RELL2: variants seen among roughly 807,000 people sequenced by gnomAD.
RELL2 encodes RELT like 2.
Under a neutral mutation model 27.5 loss-of-function variants are expected in RELL2, and 18 were observed. The ratio of observed to expected loss-of-function variants is 0.65; its 90% CI spans 0.45 to 0.97. The LOEUF is 0.97. RELL2 is among the 50% of genes least tolerant of loss of function. RELL2 has a pLI of 0.00. For synonymous variants in RELL2, 156 were observed against 147.5 expected, an observed-to-expected ratio of 1.06 and a Z score of -0.42; for missense variants, 370 against 397.5, an observed-to-expected ratio of 0.93 and a Z score of 0.59.
Position 141,640,672 on chromosome 5 carries a change from C to G in RELL2, c.*3C>G. 6.5e-7 allele frequency: 1 copy of G among 1,535,706 alleles called. No individual in the cohort carries two copies. Among genetic ancestry groups the G allele is most frequent in the Non-Finnish European group, 8.7e-7 (1 of 1,146,504 alleles). Reference sequence around the variant, plus strand: ...GTGTTATTCTTCCTCTTCTCCAAGTCTCCTTCATTGTGCTGATGGACTACC... The same window carrying G: ...GTGTTATTCTTCCTCTTCTCCAAGTGTCCTTCATTGTGCTGATGGACTACC... On this transcript the variant is annotated splice_region_variant and 3_prime_UTR_variant, in exon 7 of 7. Coordinates refer to ENST00000297164, the MANE Select transcript of RELL2 (RefSeq NM_173828.5).
At position 141,639,827 on chromosome 5, in the gene RELL2, T is replaced by A; in HGVS notation, c.504-93T>A. ...TCCCCTACCTTAGGCCAGAGGGAAG[T>A]AGCCACCAAACTCAGGATGTCCCTG... On this transcript the variant is annotated intron_variant, in intron 4 of 6. Coordinates refer to ENST00000297164, the MANE Select transcript of RELL2 (RefSeq NM_173828.5). The surrounding 1 kb of genome is among the most constrained non-coding windows in gnomAD (Gnocchi z 4.4). 1 of 1,420,526 alleles carries A rather than the reference T, an allele frequency of 7.0e-7. No individual in the cohort carries two copies. The highest frequency in any genetic ancestry group is 9.9e-7 in the Non-Finnish European group (1 of 1,014,884). 88.0% of individuals were successfully genotyped at this position (1,420,526 alleles called of 1,614,324 possible).
Position 141,638,160 on chromosome 5 carries a change from C to G in RELL2, c.-66C>G, listed in dbSNP as rs1010643920. Reference sequence around the variant, plus strand: ...TGAGGACGGCATTCCTACCCCTCCCCCATTCCCAGCTGCAGCCCCCTAAAC... The same window carrying G: ...TGAGGACGGCATTCCTACCCCTCCCGCATTCCCAGCTGCAGCCCCCTAAAC... On this transcript the variant is annotated 5_prime_UTR_variant, in exon 1 of 7. Transcript: ENST00000297164. The G allele has an allele frequency of 9.8e-7, 1 of 1,022,384 alleles. No homozygotes were observed. The highest frequency in any genetic ancestry group is 1.4e-5 in the South Asian group (1 of 69,148). 63.3% of individuals were successfully genotyped at this position (1,022,384 alleles called of 1,614,324 possible).
Position 141,639,248 on chromosome 5 carries a change from G to A in RELL2, c.318-216G>A, listed in dbSNP as rs1596453845. The A allele has an allele frequency of 3.3e-6, 2 of 608,018 alleles. No individual in the cohort carries two copies. The highest frequency in any genetic ancestry group is 5.5e-5 in the East Asian group (2 of 36,280). 37.7% of individuals were successfully genotyped at this position (608,018 alleles called of 1,614,324 possible). On this transcript the variant is annotated intron_variant, in intron 3 of 6. Coordinates refer to ENST00000297164, the MANE Select transcript of RELL2 (RefSeq NM_173828.5). This position sits in a 1 kb window ranked among gnomAD's most constrained non-coding sequence, Gnocchi z 4.4. Reference sequence around the variant, plus strand: ...TTCACCTCTAGTGCCACTCCTTTGGGTTAAGCAGTGTTCTTTTTAGCAAAC... The same window carrying A: ...TTCACCTCTAGTGCCACTCCTTTGGATTAAGCAGTGTTCTTTTTAGCAAAC...
Position 141,638,029 on chromosome 5 carries a change from C to T in RELL2, c.-197C>T. The T allele has an allele frequency of 1.8e-6, 1 of 553,976 alleles. No homozygotes were observed. The highest frequency in any genetic ancestry group is 3.2e-6 in the Non-Finnish European group (1 of 311,152). 34.3% of individuals were successfully genotyped at this position (553,976 alleles called of 1,614,324 possible). ...AGAGAGCTTGCGTTGCCGCTGACCT[C>T]TTGCCGAAAGGCGAAACAGCACTCC... On this transcript the variant is annotated 5_prime_UTR_variant, in exon 1 of 7. Coordinates refer to ENST00000297164, the MANE Select transcript of RELL2 (RefSeq NM_173828.5).
Position 141,639,707 on chromosome 5 carries a change from C to T in RELL2, c.503+58C>T, listed in dbSNP as rs78820103. On this transcript the variant is annotated intron_variant, in intron 4 of 6. Coordinates refer to ENST00000297164, the MANE Select transcript of RELL2 (RefSeq NM_173828.5). The surrounding 1 kb of genome is among the most constrained non-coding windows in gnomAD (Gnocchi z 4.4). The stretch of plus-strand genomic sequence containing the variant: ...AGGTAGGGGGCCCAGTGATCAGGCA[C>T]CTGATCCCAAAAGTGGGCCTTGGCT... 0.042 allele frequency: 63,074 copies of T among 1,506,612 alleles called. 1,489 individuals carry two copies. The highest frequency in any genetic ancestry group is 0.075 in the South Asian group (6,116 of 81,434). The allele number at this position is 1,506,612 out of a possible 1,614,324, so 93.3% of individuals were successfully genotyped here. A position where few individuals can be genotyped will look rare whatever the true frequency, so the allele number is the denominator to read the frequency against.
intron 6 of RELL2, 91 bp downstream of exon 6, chr5:141,640,536 G>A: frequency 1.3e-6 from 2 of 1,598,446 alleles, no homozygotes; most frequent in Non-Finnish European, 1.7e-6. Flanking sequence ...AACCCCCCGA[G>A]TAAACTGCAG....
Position 141,639,830 on chromosome 5 carries a change from C to A in RELL2, c.504-90C>A. 2 of 1,432,464 alleles carry A rather than the reference C, an allele frequency of 1.4e-6. No individual in the cohort carries two copies. Among genetic ancestry groups the A allele is most frequent in the Non-Finnish European group, 9.8e-7 (1 of 1,024,964 alleles). 88.7% of individuals were successfully genotyped at this position (1,432,464 alleles called of 1,614,324 possible). On this transcript the variant is annotated intron_variant, in intron 4 of 6. Transcript: ENST00000297164. The surrounding 1 kb of genome is among the most constrained non-coding windows in gnomAD (Gnocchi z 4.4). Reference sequence around the variant, plus strand: ...CCTACCTTAGGCCAGAGGGAAGTAGCCACCAAACTCAGGATGTCCCTGGTC... The same window carrying A: ...CCTACCTTAGGCCAGAGGGAAGTAGACACCAAACTCAGGATGTCCCTGGTC...
In RELL2 at chr5:141,637,976, G is replaced by A; in HGVS notation, c.-250G>A. The A allele has an allele frequency of 2.3e-6, 1 of 439,714 alleles. No individual in the cohort carries two copies. Among genetic ancestry groups the A allele is most frequent in the Non-Finnish European group, 4.1e-6 (1 of 244,136 alleles). 27.2% of individuals were successfully genotyped at this position (439,714 alleles called of 1,614,324 possible). A position where few individuals can be genotyped will look rare whatever the true frequency, so the allele number is the denominator to read the frequency against. ...AGCTGGAAAGGGGAACGCTCGGGGC[G>A]TCGGGGAAGCGGGACCAGGGTCGTG... is the stretch of plus-strand genomic sequence containing the variant. On this transcript the variant is annotated 5_prime_UTR_variant, in exon 1 of 7. Transcript: ENST00000297164.
chr5:141,638,258 C>A lies in RELL2; in HGVS notation c.33C>A (p.Pro11=). MSEPQPDLEP[P]QHGLYMLFLL... Reference sequence around the variant, plus strand: ...AACCACAGCCTGACCTGGAACCGCCCCAACATGGGCTATATATGCTCTTCC... The same window carrying A: ...AACCACAGCCTGACCTGGAACCGCCACAACATGGGCTATATATGCTCTTCC... Residue 11 remains proline, a synonymous_variant, in exon 1 of 7, where the codon CCC becomes CCA. Coordinates refer to ENST00000297164, the MANE Select transcript of RELL2 (RefSeq NM_173828.5). 6.2e-7 allele frequency: 1 copy of A among 1,613,862 alleles called. No individual in the cohort carries two copies. The highest frequency in any genetic ancestry group is 8.5e-7 in the Non-Finnish European group (1 of 1,179,904).
rs1225443430 is a variant in RELL2 at position 141,640,199 on chromosome 5, G to C, written c.783G>C (p.Glu261Asp). ...AAGGGAACCCCAGAGCTTCTGCAGAGCCAACACTGAGGGCCGGAGGGAGGG... is the reference window on the plus strand; with the variant it reads ...AAGGGAACCCCAGAGCTTCTGCAGACCCAACACTGAGGGCCGGAGGGAGGG... The part of the protein sequence containing the change: ...ALEGNPRASA[E>D]PTLRAGGRGP... The change falls in exon 5 of 7, where the codon GAG becomes GAC. Residue 261 changes from glutamate (E) to aspartate (D), a missense_variant. Transcript: ENST00000297164. 6.2e-7 allele frequency: 1 copy of C among 1,614,058 alleles called. No homozygotes were observed. The highest frequency in any genetic ancestry group is 1.3e-5 in the African/African-American group (1 of 74,936).
rs1464769405 is a variant in RELL2, at chr5:141,639,981, A to C, written c.565A>C (p.Thr189Pro). The change falls in exon 5 of 7, where the codon ACA becomes CCA. Residue 189 changes from threonine (T) to proline (P), a missense_variant. Transcript: ENST00000297164. The surrounding 1 kb of genome is among the most constrained non-coding windows in gnomAD (Gnocchi z 4.4). ...GCACGAACACCGTGATGGCTCCCCC[A>C]CAGACAGGAGCTGGGGCTCTGGTGG... ...GLHEHRDGSPTDRSWGSGGGQ... is the reference protein window; with the variant it reads ...GLHEHRDGSPPDRSWGSGGGQ... The C allele has an allele frequency of 6.2e-7, 1 of 1,613,812 alleles. No individual in the cohort carries two copies. The highest frequency in any genetic ancestry group is 8.5e-7 in the Non-Finnish European group (1 of 1,179,934).
rs1033815092 is a variant in RELL2 at position 141,640,780 on chromosome 5, C to T, written c.*111C>T. On this transcript the variant is annotated 3_prime_UTR_variant, in exon 7 of 7. Transcript: ENST00000297164. ...CTGCCCCCCAGCTGAGGGACCAGCT[C>T]TACTTCCACCTGGAGTTGCACAGTC... The T allele has an allele frequency of 9.7e-7, 1 of 1,033,708 alleles. No individual in the cohort carries two copies. Among genetic ancestry groups the T allele is most frequent in the Non-Finnish European group, 1.4e-6 (1 of 721,042 alleles). 64.0% of individuals were successfully genotyped at this position (1,033,708 alleles called of 1,614,324 possible).
At position 141,640,714 on chromosome 5, in the gene RELL2, G is replaced by GGGT. The variant is rs1562381849; in HGVS notation, c.*48_*50dup. 1 of 1,528,122 alleles carries GGGT rather than the reference G, an allele frequency of 6.5e-7. No individual in the cohort carries two copies. The highest frequency in any genetic ancestry group is 2.0e-5 in the Admixed American group (1 of 50,120). The allele number at this position is 1,528,122 out of a possible 1,614,324, so 94.7% of individuals were successfully genotyped here. Reference sequence around the variant, plus strand: ...TGGACTACCAGCTGGCAGGGCCAGGGGGTGGGTGGGCGTGAAAGCCCTCCC... The same window carrying GGGT: ...TGGACTACCAGCTGGCAGGGCCAGGGGGTGGTGGGTGGGCGTGAAAGCCCTCCC... On this transcript the variant is annotated 3_prime_UTR_variant, in exon 7 of 7. Coordinates refer to ENST00000297164, the MANE Select transcript of RELL2 (RefSeq NM_173828.5).
chr5:141,639,992 C>A lies in RELL2; in HGVS notation c.576C>A (p.Ser192Arg). ...GTGATGGCTCCCCCACAGACAGGAG[C>A]TGGGGCTCTGGTGGGGGACAGGACC... ...EHRDGSPTDRSWGSGGGQDPG... is the reference protein window; with the variant it reads ...EHRDGSPTDRRWGSGGGQDPG... The change falls in exon 5 of 7, where the codon AGC becomes AGA. Residue 192 changes from serine to arginine, a missense_variant. By Grantham distance (110) the Ser-to-Arg change is moderately radical (BLOSUM62 -1). Coordinates refer to ENST00000297164, the MANE Select transcript of RELL2 (RefSeq NM_173828.5). This position sits in a 1 kb window ranked among gnomAD's most constrained non-coding sequence, Gnocchi z 4.4. The A allele has an allele frequency of 6.2e-7, 1 of 1,613,728 alleles. No homozygotes were observed. The highest frequency in any genetic ancestry group is 8.5e-7 in the Non-Finnish European group (1 of 1,179,840).
In RELL2 at chr5:141,639,870, A is replaced by G; in HGVS notation, c.504-50A>G. The G allele has an allele frequency of 6.3e-7, 1 of 1,592,924 alleles. No homozygotes were observed. Among genetic ancestry groups the G allele is most frequent in the Non-Finnish European group, 8.6e-7 (1 of 1,162,568 alleles). ...TGTCCCTGGTCAGAGGGGAGGGCCA[A>G]GCAGCCTCTGAGTTGTGGTCCTAAA... On this transcript the variant is annotated intron_variant, in intron 4 of 6. Coordinates refer to ENST00000297164, the MANE Select transcript of RELL2 (RefSeq NM_173828.5). This position sits in a 1 kb window ranked among gnomAD's most constrained non-coding sequence, Gnocchi z 4.4.
At position 141,638,217 on chromosome 5, in the gene RELL2, C is replaced by G. The variant is rs756362183; in HGVS notation, c.-9C>G. On this transcript the variant is annotated 5_prime_UTR_variant, in exon 1 of 7. Transcript: ENST00000297164. ...GGCGCCCTGGCCCGCGCTCGCCCCC[C>G]AGGGCCTCATGTCGGAACCACAGCC... is the stretch of plus-strand genomic sequence containing the variant. 7 of 1,608,044 alleles carry G rather than the reference C, an allele frequency of 4.4e-6. No homozygotes were observed. The highest frequency in any genetic ancestry group is 1.7e-5 in the Admixed American group (1 of 59,392).
rs1469991404 is a variant in RELL2, at chr5:141,638,961, C to T, written c.257C>T (p.Ala86Val). The change falls in exon 3 of 7, where the codon GCT becomes GTT. Residue 86 changes from alanine (A) to valine (V), a missense_variant. Ala to Val is a moderately conservative substitution (Grantham distance 64). Coordinates refer to ENST00000297164, the MANE Select transcript of RELL2 (RefSeq NM_173828.5). ...CTTTTCCTTCTTCCCTCAGCCAATGCTGAGGCCTTGAAGGAGATGCTGGGG... is the reference window on the plus strand; with the variant it reads ...CTTTTCCTTCTTCCCTCAGCCAATGTTGAGGCCTTGAAGGAGATGCTGGGG... ...VRCIIQNEAN[A>V]EALKEMLGDS... 2 of 1,614,060 alleles carry T rather than the reference C, an allele frequency of 1.2e-6. No homozygotes were observed. Among genetic ancestry groups the T allele is most frequent in the Non-Finnish European group, 1.7e-6 (2 of 1,179,916 alleles).
rs569973650 is a variant in RELL2 at position 141,640,191 on chromosome 5, T to G, written c.775T>G (p.Ser259Ala). ...TGCACTTGAAGGGAACCCCAGAGCT[T>G]CTGCAGAGCCAACACTGAGGGCCGG... ...PRALEGNPRA[S>A]AEPTLRAGGR... Residue 259 changes from serine to alanine, a missense_variant, in exon 5 of 7, where the codon TCT (serine) becomes GCT (alanine). Transcript: ENST00000297164. 6.2e-7 allele frequency: 1 copy of G among 1,614,146 alleles called. No homozygotes were observed. Among genetic ancestry groups the G allele is most frequent in the Non-Finnish European group, 8.5e-7 (1 of 1,180,000 alleles).
intron 1 of RELL2, 80 bp downstream of exon 1, chr5:141,638,489 C>T: frequency 7.4e-7 from 1 of 1,358,732 alleles, no homozygotes; most frequent in Non-Finnish European, 1.0e-6. Context: ...CCAACAGACC[C>T]AGGCCAAATC....
Sources: gnomAD v4.1 joint callset for allele counts on GRCh38, gnomAD v4.1.1 for gene constraint, Gnocchi (gnomAD v3.1) non-coding constraint, MANE v1.5 for transcripts, NCBI Gene and HGNC (gene_info 2026-07-23, HGNC 2026-07-21) for gene names.